FBXL2: variants seen among roughly 807,000 people sequenced by gnomAD.
FBXL2 encodes F-box and leucine rich repeat protein 2.
FBXL2 carries 38 observed loss-of-function variants against 69.2 expected under a neutral mutation model. That is an observed-to-expected ratio of 0.55 (90% confidence interval 0.42 to 0.72). The LOEUF (loss-of-function observed/expected upper bound fraction) is 0.72, where lower values mean the gene tolerates loss of function less well. Ranked by LOEUF, FBXL2 falls within the 30% of genes least tolerant of loss-of-function variation. The pLI, the probability that FBXL2 is intolerant of heterozygous loss-of-function variation, is 0.00. For missense variants in FBXL2, 354 were observed against 520.3 expected (o/e 0.68, Z 3.11); for synonymous variants, 192 against 201.3 (o/e 0.95, Z 0.39).
chr3:33,381,416 G>A (rs1306898175), intron 13 of FBXL2, among the ~76,000 whole-genome samples: 4 of 152,142 alleles, frequency 2.6e-5, no homozygotes, highest in Non-Finnish European at 5.9e-5. Context: ...AGGCCAAGGC[G>A]GGTGGATCAC....
At chr3:33,381,168 A>G (rs183023910) in intron 13 of FBXL2, among the ~76,000 whole-genome samples, 77 of 152,334 alleles carry the variant, frequency 5.1e-4, no homozygotes, top group African/African-American at 1.7e-3. Context: ...ATGCCAGTAC[A>G]TAAGTTTTTC....
intron 1 of FBXL2, among the ~76,000 whole-genome samples, chr3:33,292,557 A>G (rs552178254): frequency 6.6e-6 from 1 of 152,330 alleles, no homozygotes; most frequent in South Asian, 2.1e-4. Flanking sequence ...AGGATATAAA[A>G]GATTTGAACA....
chr3:33,359,218 T>G, intron 3 of FBXL2, 65 bp from the exon 4 acceptor site: 1 of 1,388,124 alleles, frequency 7.2e-7, no homozygotes, highest in Non-Finnish European at 1.0e-6. Context: ...AAGACTTTCT[T>G]TAATAGTCTC....
chr3:33,361,349 G>GA (rs939388434), intron 4 of FBXL2, among the ~76,000 whole-genome samples: 2 of 151,758 alleles, frequency 1.3e-5, no homozygotes, highest in Admixed American at 6.6e-5. Context: ...ACAAAAAAAT[G>GA]AAAAAACAAA....
intron 12 of FBXL2, among the ~76,000 whole-genome samples, chr3:33,399,093 A>C (rs1278362003): frequency 6.6e-6 from 1 of 152,242 alleles, no homozygotes; most frequent in African/African-American, 2.4e-5. Flanking sequence ...GTGTGCACAC[A>C]CAAGTTCTGT....
At chr3:33,400,684 AAG>A (rs2044191767) in intron 12 of FBXL2, among the ~76,000 whole-genome samples, 1 of 152,180 alleles carries the variant, frequency 6.6e-6, no homozygotes, top group South Asian at 2.1e-4. Flanking sequence ...GGTGAGGGAT[AAG>A]AGAGAGGATG....
At chr3:33,374,233 T>A (rs900424759) in intron 9 of FBXL2, among the ~76,000 whole-genome samples, 1 of 152,250 alleles carries the variant, frequency 6.6e-6, no homozygotes, top group African/African-American at 2.4e-5. Context: ...CTAAATAGTT[T>A]TAAGACATGA....
the FBXL2 span, chr3:33,408,933 C>A: frequency 1.1e-6 from 1 of 936,036 alleles, no homozygotes; most frequent in Non-Finnish European, 1.6e-6. Context: ...AAATGCAAAA[C>A]CCCAGCAGTG....
chr3:33,338,229 T>G (rs538584612), intron 2 of FBXL2, among the ~76,000 whole-genome samples: 1 of 152,172 alleles, frequency 6.6e-6, no homozygotes, highest in South Asian at 2.1e-4. Context: ...CTGGCCAACA[T>G]GGTGAAACCC....
intron 2 of FBXL2, among the ~76,000 whole-genome samples, chr3:33,306,909 T>C (rs1051466722): frequency 5.3e-5 from 8 of 152,156 alleles, no homozygotes; most frequent in Admixed American, 1.3e-4. Context: ...TTCTTCCCAC[T>C]TAGTGGAATA....
rs17030436 is a variant in FBXL2, at chr3:33,358,729, T to C, written c.66-238T>C. On this transcript the variant is annotated intron_variant, in intron 2 of 14. Transcript: ENST00000484457. ...TCCATTACTTAGAACAAGGGAAATA[T>C]AAGCTTAATGAGTTCTAAGGTAATT... Among the ~76,000 whole-genome samples the C allele has an allele frequency of 5.7e-3, 870 of 152,332 alleles. 11 individuals are homozygous for C. The highest frequency in any genetic ancestry group is 0.02 in the African/African-American group (816 of 41,588).
At chr3:33,304,239 T>A (rs2036527149) in intron 2 of FBXL2, among the ~76,000 whole-genome samples, 1 of 152,082 alleles carries the variant, frequency 6.6e-6, no homozygotes, top group Non-Finnish European at 1.5e-5. Context: ...CATTTTGTAG[T>A]ATAAGGAATG....
intron 5 of FBXL2, among the ~76,000 whole-genome samples, chr3:33,366,179 C>T (rs1484521222): frequency 1.3e-5 from 2 of 152,162 alleles, no homozygotes; most frequent in Non-Finnish European, 2.9e-5. Context: ...ATATAAAGCA[C>T]ACTTGAATTG....
downstream of FBXL2, chr3:33,391,700 TATAAA>T (rs1368228505): frequency 6.6e-6 from 1 of 152,280 alleles, no homozygotes; most frequent in African/African-American, 2.4e-5. Context: ...GGACCCTGTC[TATAAA>T]CGTGTAAGAT....
chr3:33,288,174 T>C lies in FBXL2; in HGVS notation c.4-9490T>C, dbSNP rs544643808. ...AGGGCATTTACTGGGAAGTTTTTAA[T>C]AGAGTCAGAATCAAGGTTCAAACTC... On this transcript the variant is annotated intron_variant, in intron 1 of 14. Transcript: ENST00000484457. Among the ~76,000 whole-genome samples, 3 of 152,346 alleles carry C rather than the reference T, an allele frequency of 2.0e-5. No individual in the cohort carries two copies. The East Asian group carries it at 5.8e-4, about 29-fold the overall frequency.
In FBXL2 at chr3:33,329,272, C is replaced by T. The variant is rs184543240; in HGVS notation, c.66-29695C>T. 8.5e-4 allele frequency among the ~76,000 whole-genome samples: 129 copies of T among 152,154 alleles called. 1 individual carries two copies. Among genetic ancestry groups the T allele is most frequent in the African/African-American group, 3.0e-3 (123 of 41,490 alleles). On this transcript the variant is annotated intron_variant, in intron 2 of 14. Coordinates refer to ENST00000484457, the MANE Select transcript of FBXL2 (RefSeq NM_012157.5). ...CAAAAAGATGATGGAGTAAAAGATG[C>T]TGACAAAGATGTAGAGAAAGAGGAA... is the stretch of plus-strand genomic sequence containing the variant.
At position 33,378,693 on chromosome 3, in the gene FBXL2, C is replaced by G. The variant is rs1271305859; in HGVS notation, c.903C>G (p.Asp301Glu). 1 of 1,613,186 alleles carries G rather than the reference C, an allele frequency of 6.2e-7. No individual in the cohort carries two copies. The highest frequency in any genetic ancestry group is 8.5e-7 in the Non-Finnish European group (1 of 1,179,762). The part of the protein sequence containing the change: ...MDLEECILIT[D>E]STLIQLSIHC... ...AGCATGTTTCTCTCCAGATAACCGA[C>G]AGCACACTCATCCAGCTCTCCATTC... Residue 301 changes from aspartate to glutamate, a missense_variant, in exon 13 of 15, where the codon GAC becomes GAG. Coordinates refer to ENST00000484457, the MANE Select transcript of FBXL2 (RefSeq NM_012157.5).
intron 2 of FBXL2, among the ~76,000 whole-genome samples, chr3:33,336,023 C>T (rs571579239): frequency 6.6e-6 from 1 of 152,268 alleles, no homozygotes; most frequent in Non-Finnish European, 1.5e-5. Context: ...GATTGGGAGC[C>T]TGAGTTACAG....
the FBXL2 span, chr3:33,409,085 T>C: frequency 1.1e-5 from 9 of 788,986 alleles, no homozygotes; most frequent in African/African-American, 1.6e-4. Flanking sequence ...AATCCCCAAA[T>C]TTAAATATTT....
Sources: allele counts gnomAD v4.1 joint callset (sites outside exome capture counted in the v4.1 genomes callset), GRCh38; gene constraint gnomAD v4.1.1; transcripts MANE v1.5; gene names NCBI Gene and HGNC (gene_info 2026-07-23, HGNC 2026-07-21).